Variants in CSRNP2 observed in about 807,000 individuals in gnomAD.
CSRNP2 encodes the protein cysteine and serine rich nuclear protein 2, also known as cysteine/serine-rich nuclear protein 2.
CSRNP2 carries 11 observed loss-of-function variants against 36.6 expected under a neutral mutation model. The observed-to-expected ratio is 0.30, with a 90% CI of 0.19 to 0.50. The LOEUF is 0.50. CSRNP2 is among the 20% of genes least tolerant of loss of function. CSRNP2 has a pLI of 0.98. For synonymous variants in CSRNP2, 248 were observed against 275.3 expected (o/e 0.90, Z 0.98); for missense variants, 483 against 691.4 (o/e 0.70, Z 3.38).
intron 3 of CSRNP2, among the ~76,000 whole-genome samples, chr12:51,072,423 T>C (rs1489888854): frequency 4.0e-5 from 6 of 148,798 alleles, no homozygotes. Context: ...AATAGCCGGG[T>C]GTGGTGTTGG....
intron 3 of CSRNP2, among the ~76,000 whole-genome samples, chr12:51,068,961 T>G (rs2136877947): frequency 6.6e-6 from 1 of 152,230 alleles, no homozygotes; most frequent in Middle Eastern, 3.4e-3. Context: ...AGAAAAAATG[T>G]ATTTCTTCTC....
At chr12:51,074,521 G>C (rs753656843) in intron 2 of CSRNP2, among the ~76,000 whole-genome samples, 8 of 152,136 alleles carry the variant, frequency 5.3e-5, no homozygotes, top group Non-Finnish European at 1.0e-4. Context: ...TCTATATCTA[G>C]AGAACTGTCT....
chr12:51,078,544 T>C (rs1939489996), intron 1 of CSRNP2, among the ~76,000 whole-genome samples: 1 of 152,186 alleles, frequency 6.6e-6, no homozygotes. Context: ...GGGCTTTTTA[T>C]GGGTTAAGAT....
Position 51,063,664 on chromosome 12 carries a change from C to T in CSRNP2, c.*82G>A. The stretch of plus-strand genomic sequence containing the variant: ...AATAACATGGGAGCAGCAGCTGCTT[C>T]TACAGTTTTGTTTTGAAATGGTGTT... On this transcript the variant is annotated 3_prime_UTR_variant, in exon 5 of 5. Transcript: ENST00000228515. The T allele has an allele frequency of 9.1e-7, 1 of 1,098,400 alleles. No homozygotes were observed. The highest frequency in any genetic ancestry group is 1.6e-5 in the African/African-American group (1 of 63,324). The allele number at this position is 1,098,400 out of a possible 1,614,324, so 68.0% of individuals were successfully genotyped here.
intron 1 of CSRNP2, among the ~76,000 whole-genome samples, chr12:51,077,044 C>A (rs371263826): frequency 0.015 from 1,837 of 125,888 alleles, no homozygotes; most frequent in Middle Eastern, 0.02. Context: ...GTTTGGTTGG[C>A]AAAAAAAAAA....
At position 51,067,801 on chromosome 12, in the gene CSRNP2, G is replaced by A. The variant is rs763271724; in HGVS notation, c.580C>T (p.Arg194Cys). Residue 194 changes from arginine to cysteine, a missense_variant, in exon 4 of 5, where the codon CGT becomes TGT. Physicochemically the swap from Arg to Cys is radical, Grantham distance 180 (BLOSUM62 -3). This residue lies in a region of CSRNP2 where 206 missense variants were observed against 367.8 expected (regional missense o/e 0.56). Coordinates refer to ENST00000228515, the MANE Select transcript of CSRNP2 (RefSeq NM_030809.3). This position sits in a 1 kb window ranked among gnomAD's most constrained non-coding sequence, Gnocchi z 4.1. The part of the protein sequence containing the change: ...RALLRASGVH[R>C]IDAEEKQELR... ...TCTTGCTTCTCTTCAGCATCAATAC[G>A]GTGGACCCCAGAAGCCCTCAGCAGG... 3.1e-6 allele frequency: 5 copies of A among 1,614,084 alleles called. No individual in the cohort carries two copies. The highest frequency in any genetic ancestry group is 1.3e-5 in the African/African-American group (1 of 74,920).
In CSRNP2 at chr12:51,062,925, G is replaced by A. The variant is rs1168419196; in HGVS notation, c.*821C>T. ...CACATAGGCCTCCTATGGGATGGGT[G>A]AGCCCCAGCCGAAAGCTGCCTGACA... On this transcript the variant is annotated 3_prime_UTR_variant, in exon 5 of 5. Transcript: ENST00000228515. 5 of 152,380 alleles carry A rather than the reference G, an allele frequency of 3.3e-5. No homozygotes were observed. The highest frequency in any genetic ancestry group is 7.3e-5 in the Non-Finnish European group (5 of 68,062). The allele number at this position is 152,380 out of a possible 1,614,324, so 9.4% of individuals were successfully genotyped here.
chr12:51,070,873 G>A (rs1166192579), intron 3 of CSRNP2, among the ~76,000 whole-genome samples: 2 of 151,750 alleles, frequency 1.3e-5, no homozygotes, highest in Non-Finnish European at 2.9e-5. Context: ...AGTGGCGCAT[G>A]ACTGTTATCC....
intron 3 of CSRNP2, among the ~76,000 whole-genome samples, chr12:51,071,840 C>T (rs550771896): frequency 7.9e-5 from 12 of 152,244 alleles, no homozygotes; most frequent in African/African-American, 9.6e-5. Flanking sequence ...TTGATGAGAA[C>T]AGTGTTTATT....
At chr12:51,072,218 G>A (rs1484057088) in intron 3 of CSRNP2, among the ~76,000 whole-genome samples, 2 of 152,072 alleles carry the variant, frequency 1.3e-5, no homozygotes, top group African/African-American at 4.8e-5. Context: ...AGAAATTTTT[G>A]AGAGGTAGTA....
chr12:51,064,776 TAAG>T (rs778852688), intron 4 of CSRNP2, 107 bp from the exon 5 acceptor site: 92 of 914,232 alleles, frequency 1.0e-4, no homozygotes, highest in Non-Finnish European at 1.2e-4. Flanking sequence ...GGTCTCCTTG[TAAG>T]AAGAAAAGCA....
At chr12:51,066,536 G>T (rs530023499) in intron 4 of CSRNP2, among the ~76,000 whole-genome samples, 3 of 151,816 alleles carry the variant, frequency 2.0e-5, no homozygotes. Flanking sequence ...AGCTACTTGG[G>T]AGGCTGAGGC....
At chr12:51,080,907 T>C (rs1382176193) in intron 1 of CSRNP2, among the ~76,000 whole-genome samples, 1 of 152,162 alleles carries the variant, frequency 6.6e-6, no homozygotes, top group Non-Finnish European at 1.5e-5. Context: ...GAAGAAATCC[T>C]TCTTTGGGAG....
At chr12:51,069,636 G>A (rs1938863757) in intron 3 of CSRNP2, among the ~76,000 whole-genome samples, 1 of 149,800 alleles carries the variant, frequency 6.7e-6, no homozygotes, top group Non-Finnish European at 1.5e-5. Flanking sequence ...GAGGAAAGGT[G>A]GTATCAATAA....
chr12:51,064,950 T>C (rs923642275), intron 4 of CSRNP2, among the ~76,000 whole-genome samples: 1 of 152,142 alleles, frequency 6.6e-6, no homozygotes, highest in East Asian at 1.9e-4. Context: ...AAATAACAAG[T>C]AGACAAAATC....
intron 3 of CSRNP2, among the ~76,000 whole-genome samples, chr12:51,071,664 G>A (rs1939163009): frequency 6.6e-6 from 1 of 152,184 alleles, no homozygotes; most frequent in African/African-American, 2.4e-5. Flanking sequence ...CTGCTAACAA[G>A]TAGAGCTCCT....
intron 3 of CSRNP2, among the ~76,000 whole-genome samples, chr12:51,073,603 A>T (rs1352791438): frequency 6.6e-6 from 1 of 151,764 alleles, no homozygotes; most frequent in Non-Finnish European, 1.5e-5. Context: ...GCACACCTGT[A>T]ATCCCAACTA....
At chr12:51,080,336 T>A (rs2136934287) in intron 1 of CSRNP2, among the ~76,000 whole-genome samples, 2 of 152,248 alleles carry the variant, frequency 1.3e-5, no homozygotes, top group South Asian at 4.1e-4. Context: ...AAAATCATCT[T>A]TATTACTACA....
intron 3 of CSRNP2, among the ~76,000 whole-genome samples, chr12:51,069,055 A>G (rs1281516943): frequency 6.6e-6 from 1 of 151,972 alleles, no homozygotes; most frequent in Non-Finnish European, 1.5e-5. Context: ...AGCTCGCTGC[A>G]AGCTCCACCT....
Sources: gnomAD v4.1 joint callset for allele counts (sites outside exome capture counted in the v4.1 genomes callset) on GRCh38, gnomAD v4.1.1 for gene constraint, gnomAD v4.1.1 regional missense constraint, Gnocchi (gnomAD v3.1) non-coding constraint, MANE v1.5 for transcripts, NCBI Gene and HGNC (gene_info 2026-07-23, HGNC 2026-07-21) for gene names.